CCDC149: variants seen among roughly 807,000 people sequenced by gnomAD.
CCDC149 encodes the protein coiled-coil domain-containing protein 149.
Under a neutral mutation model 59.9 loss-of-function variants are expected in CCDC149, and 45 were observed. The observed-to-expected ratio is 0.75, with a 90% confidence interval of 0.59 to 0.96. The LOEUF is 0.96. Ranked by LOEUF, CCDC149 falls within the 40% of genes least tolerant of loss-of-function variation. The pLI is 0.00. For missense variants in CCDC149, 584 were observed against 664.7 expected, an observed-to-expected ratio of 0.88 and a Z score of 1.33; for synonymous variants, 245 against 260.6, an observed-to-expected ratio of 0.94 and a Z score of 0.58.
intron 3 of CCDC149, among the ~76,000 whole-genome samples, chr4:24,864,036 T>C (rs560797065): frequency 6.6e-6 from 1 of 152,234 alleles, no homozygotes; most frequent in Admixed American, 6.5e-5. Context: ...TGCTGAGAGA[T>C]CTTTTGTCTC....
intron 12 of CCDC149, among the ~76,000 whole-genome samples, chr4:24,819,522 T>C (rs1715229052): frequency 6.6e-6 from 1 of 152,142 alleles, no homozygotes; most frequent in Admixed American, 6.5e-5. Context: ...GTTTTCACCA[T>C]GTTGGCCAGG....
At chr4:24,966,033 C>T (rs1024441254) in intron 1 of CCDC149, among the ~76,000 whole-genome samples, 9 of 152,178 alleles carry the variant, frequency 5.9e-5, no homozygotes, top group African/African-American at 1.4e-4. Flanking sequence ...AAACTGTCTA[C>T]GATTCCTCAA....
intron 3 of CCDC149, among the ~76,000 whole-genome samples, chr4:24,868,981 G>A (rs1458874188): frequency 1.3e-5 from 2 of 152,250 alleles, no homozygotes; most frequent in African/African-American, 2.4e-5. Context: ...CTATGTGAGA[G>A]TTAAATGAGG....
At chr4:24,936,978 G>A (rs538540418) in intron 1 of CCDC149, among the ~76,000 whole-genome samples, 1 of 152,322 alleles carries the variant, frequency 6.6e-6, no homozygotes, top group African/African-American at 2.4e-5. Context: ...GGTAATTTTT[G>A]GTGGTGCAGT....
intron 1 of CCDC149, among the ~76,000 whole-genome samples, chr4:24,953,098 C>T (rs1723362501): frequency 6.6e-6 from 1 of 152,306 alleles, no homozygotes; most frequent in Admixed American, 6.5e-5. Flanking sequence ...ACTTGCCCCC[C>T]TCCAATTGTT....
At chr4:24,821,265 A>AG (rs1214975286) in intron 10 of CCDC149, among the ~76,000 whole-genome samples, 178 bp from the exon 11 acceptor site, 1 of 151,736 alleles carries the variant, frequency 6.6e-6, no homozygotes, top group Non-Finnish European at 1.5e-5. Flanking sequence ...AACTCATTTG[A>AG]GAAAAAAAAA....
chr4:24,911,542 G>A (rs947390804), intron 1 of CCDC149, among the ~76,000 whole-genome samples: 3 of 152,190 alleles, frequency 2.0e-5, no homozygotes, highest in Non-Finnish European at 4.4e-5. Flanking sequence ...TATGATTCTT[G>A]ATGGGACCAG....
intron 12 of CCDC149, among the ~76,000 whole-genome samples, chr4:24,810,881 T>A (rs1224641302): frequency 6.6e-6 from 1 of 152,160 alleles, no homozygotes; most frequent in Non-Finnish European, 1.5e-5. Flanking sequence ...CAATCATACA[T>A]TAATAAAGAA....
At chr4:24,886,596 G>A (rs1033570812) in intron 1 of CCDC149, among the ~76,000 whole-genome samples, 1 of 151,826 alleles carries the variant, frequency 6.6e-6, no homozygotes, top group Non-Finnish European at 1.5e-5. Flanking sequence ...ACCAACCTGG[G>A]GAGGATCCAT....
intron 1 of CCDC149, among the ~76,000 whole-genome samples, chr4:24,964,887 C>T (rs1462352830): frequency 7.0e-6 from 1 of 143,822 alleles, no homozygotes; most frequent in Non-Finnish European, 1.5e-5. Flanking sequence ...CAGTAGGTTT[C>T]TCATCTGAAA....
chr4:24,928,822 A>C (rs1722502969), intron 1 of CCDC149, among the ~76,000 whole-genome samples: 1 of 152,174 alleles, frequency 6.6e-6, no homozygotes, highest in South Asian at 2.1e-4. Context: ...CAAAAGCTGA[A>C]ATGAGTCCAG....
chr4:24,804,808 G>A (rs553654043), downstream of CCDC149, among the ~76,000 whole-genome samples: 2 of 152,276 alleles, frequency 1.3e-5, no homozygotes, highest in South Asian at 2.1e-4. Context: ...ACTTTGCATC[G>A]TGATGGTGGT....
At position 24,926,096 on chromosome 4, in the gene CCDC149, TG is replaced by T. The variant is rs1319584765; in HGVS notation, c.-64-30979del. Among the ~76,000 whole-genome samples the T allele has an allele frequency of 2.0e-5, 3 of 152,302 alleles. 1 individual carries two copies. In the Middle Eastern group the frequency reaches 0.01, roughly 518 times the overall value. On this transcript the variant is annotated intron_variant, in intron 1 of 12. Transcript: ENST00000389609. The stretch of plus-strand genomic sequence containing the variant: ...CTGTAATCCCAGCTACTCGGGAGGC[TG>T]TGGCAGGAGAATCGCTTGAACCCGG...
intron 1 of CCDC149, among the ~76,000 whole-genome samples, chr4:24,929,162 G>A (rs1485146869): frequency 1.3e-5 from 2 of 152,136 alleles, no homozygotes; most frequent in African/African-American, 4.8e-5. Flanking sequence ...TGGCCTAAAT[G>A]TGCTGGTTTA....
intron 1 of CCDC149, among the ~76,000 whole-genome samples, chr4:24,885,255 T>G (rs941131114): frequency 6.6e-6 from 1 of 152,144 alleles, no homozygotes; most frequent in Non-Finnish European, 1.5e-5. Context: ...AAGAATCATC[T>G]TAGAAAGAAA....
intron 1 of CCDC149, among the ~76,000 whole-genome samples, chr4:24,921,122 T>G (rs1722280196): frequency 6.6e-6 from 1 of 152,218 alleles, no homozygotes; most frequent in Non-Finnish European, 1.5e-5. Context: ...AATAAATGTT[T>G]GTTGAGCTCA....
chr4:24,921,728 C>A (rs910113115), intron 1 of CCDC149, among the ~76,000 whole-genome samples: 20 of 152,178 alleles, frequency 1.3e-4, no homozygotes, highest in Admixed American at 1.1e-3. Flanking sequence ...ATCCTAATTA[C>A]CCACGTATGT....
chr4:24,881,123 C>T (rs1719816858), intron 1 of CCDC149, among the ~76,000 whole-genome samples: 1 of 152,218 alleles, frequency 6.6e-6, no homozygotes, highest in Non-Finnish European at 1.5e-5. Context: ...AATCTCTGGA[C>T]AGTCACTTGG....
At chr4:24,898,214 G>A (rs1720953563) in intron 1 of CCDC149, among the ~76,000 whole-genome samples, 1 of 152,184 alleles carries the variant, frequency 6.6e-6, no homozygotes, top group Non-Finnish European at 1.5e-5. Context: ...CGCCTCACCT[G>A]GAGAGGGTTG....
Sources: allele counts gnomAD v4.1 joint callset (sites outside exome capture counted in the v4.1 genomes callset), GRCh38; gene constraint gnomAD v4.1.1; transcripts MANE v1.5; gene names NCBI Gene and HGNC (gene_info 2026-07-23, HGNC 2026-07-21).